TMEM132D: variants seen among roughly 807,000 people sequenced by gnomAD.
The protein encoded by TMEM132D is transmembrane protein 132D.
Under a neutral mutation model 62.3 loss-of-function variants are expected in TMEM132D, and 21 were observed. The ratio of observed to expected loss-of-function variants is 0.34; its 90% confidence interval spans 0.24 to 0.49. TMEM132D has a LOEUF of 0.49. Ranked by LOEUF, TMEM132D falls within the 20% of genes least tolerant of loss-of-function variation. TMEM132D has a pLI of 0.99. For synonymous variants in TMEM132D, 621 were observed against 575.6 expected (o/e 1.08, Z -1.13); for missense variants, 1,346 against 1,402.8 (o/e 0.96, Z 0.65).
At chr12:129,615,230 T>TG (rs549931648) in intron 2 of TMEM132D, among the ~76,000 whole-genome samples, 50 of 152,212 alleles carry the variant, frequency 3.3e-4, no homozygotes, top group African/African-American at 1.1e-3. Flanking sequence ...GGATTTTGTC[T>TG]GGGGATGAAT....
chr12:129,223,008 C>T (rs754007017), intron 4 of TMEM132D, among the ~76,000 whole-genome samples: 16 of 152,090 alleles, frequency 1.1e-4, no homozygotes, highest in African/African-American at 3.6e-4. Context: ...TCATATTATA[C>T]ACCTTAAACA....
chr12:129,566,019 G>A (rs182824181), intron 2 of TMEM132D, among the ~76,000 whole-genome samples: 14 of 152,286 alleles, frequency 9.2e-5, no homozygotes, highest in South Asian at 2.1e-4. Flanking sequence ...GCACTATACC[G>A]CACACTGAAT....
chr12:129,652,570 G>C (rs1484558498), intron 2 of TMEM132D, among the ~76,000 whole-genome samples: 1 of 152,186 alleles, frequency 6.6e-6, no homozygotes, highest in Non-Finnish European at 1.5e-5. Context: ...ATTTGAAGAT[G>C]CCACCCTGCT....
chr12:129,279,845 T>A (rs984346194), intron 4 of TMEM132D, among the ~76,000 whole-genome samples: 1 of 152,220 alleles, frequency 6.6e-6, no homozygotes, highest in African/African-American at 2.4e-5. Flanking sequence ...TGACATGACT[T>A]CATAAAGGAC....
intron 2 of TMEM132D, among the ~76,000 whole-genome samples, chr12:129,635,141 C>A (rs1879443665): frequency 6.6e-6 from 1 of 152,226 alleles, no homozygotes; most frequent in Non-Finnish European, 1.5e-5. Context: ...AACAGCCTCA[C>A]CTTCCCTCGC....
chr12:129,548,019 G>A (rs959200824), intron 2 of TMEM132D, among the ~76,000 whole-genome samples: 3 of 152,178 alleles, frequency 2.0e-5, no homozygotes, highest in Admixed American at 6.5e-5. Flanking sequence ...TAGGGAGCAT[G>A]GATCTGAGTA....
intron 1 of TMEM132D, among the ~76,000 whole-genome samples, chr12:129,710,481 G>A (rs1326367073): frequency 4.6e-5 from 7 of 151,996 alleles, no homozygotes; most frequent in African/African-American, 1.7e-4. Context: ...ATTTTTAGTA[G>A]AGACGGGGTT....
chr12:129,561,439 C>T (rs1265218387), intron 2 of TMEM132D, among the ~76,000 whole-genome samples: 2 of 152,202 alleles, frequency 1.3e-5, no homozygotes, highest in African/African-American at 4.8e-5. Context: ...CTCAGCTGTT[C>T]TTCATAGCAG....
intron 5 of TMEM132D, among the ~76,000 whole-genome samples, chr12:129,178,510 T>C (rs1171325679): frequency 6.6e-6 from 1 of 151,942 alleles, no homozygotes; most frequent in Non-Finnish European, 1.5e-5. Flanking sequence ...GTGGTTTTGA[T>C]TTCCATTTCT....
At chr12:129,788,802 A>G (rs1297068088) in intron 1 of TMEM132D, among the ~76,000 whole-genome samples, 1 of 152,190 alleles carries the variant, frequency 6.6e-6, no homozygotes, top group African/African-American at 2.4e-5. Flanking sequence ...GGCAATTGAC[A>G]TAAATGACAG....
chr12:129,077,485 T>G (rs1260209770), intron 8 of TMEM132D, among the ~76,000 whole-genome samples: 1 of 152,154 alleles, frequency 6.6e-6, no homozygotes, highest in Non-Finnish European at 1.5e-5. Flanking sequence ...ACTTACTACA[T>G]TCAAAGGTCC....
intron 1 of TMEM132D, among the ~76,000 whole-genome samples, chr12:129,777,218 G>A (rs909599894): frequency 6.6e-6 from 1 of 152,226 alleles, no homozygotes; most frequent in African/African-American, 2.4e-5. Context: ...AAGGTGAAAA[G>A]CGAGTCAGGC....
At chr12:129,407,096 A>C (rs1289777183) in intron 3 of TMEM132D, among the ~76,000 whole-genome samples, 1 of 152,240 alleles carries the variant, frequency 6.6e-6, no homozygotes, top group East Asian at 1.9e-4. Context: ...ATGAAAAGAA[A>C]TTTTTAAAGC....
chr12:129,493,131 TTC>T lies in TMEM132D; in HGVS notation c.1115+37926_1115+37927del, dbSNP rs369965074. Among the ~76,000 whole-genome samples the T allele has an allele frequency of 3.3e-5, 5 of 152,138 alleles. No individual in the cohort carries two copies. In the East Asian group the frequency reaches 7.7e-4, roughly 23 times the overall value. Reference sequence around the variant, plus strand: ...GTTTCCAGGTTCTTGAACCAATAAATTCTCTCTCTCTTTAACTTCATGTCTCT... The same window carrying T: ...GTTTCCAGGTTCTTGAACCAATAAATTCTCTCTCTTTAACTTCATGTCTCT... On this transcript the variant is annotated intron_variant, in intron 3 of 8. Coordinates refer to ENST00000422113, the MANE Select transcript of TMEM132D (RefSeq NM_133448.3).
chr12:129,304,108 C>T (rs539553553), intron 4 of TMEM132D, among the ~76,000 whole-genome samples: 29 of 152,310 alleles, frequency 1.9e-4, no homozygotes, highest in African/African-American at 6.0e-4. Context: ...AATGTCTTAC[C>T]GACTATCTGG....
chr12:129,676,725 G>A (rs1880640978), intron 2 of TMEM132D, among the ~76,000 whole-genome samples: 2 of 152,152 alleles, frequency 1.3e-5, no homozygotes, highest in South Asian at 4.1e-4. Flanking sequence ...CCAACATTGT[G>A]AGTCACATCT....
chr12:129,449,132 G>T (rs1469104967), intron 3 of TMEM132D, among the ~76,000 whole-genome samples: 5 of 152,198 alleles, frequency 3.3e-5, no homozygotes, highest in Non-Finnish European at 2.9e-5. Context: ...ATGGAGTATT[G>T]TTAAGAGGGA....
intron 1 of TMEM132D, among the ~76,000 whole-genome samples, chr12:129,789,993 C>T (rs192116070): frequency 1.3e-5 from 2 of 152,318 alleles, no homozygotes; most frequent in Admixed American, 1.3e-4. Flanking sequence ...TCTCCGACCC[C>T]TTTGCGGAAG....
chr12:129,759,262 C>A (rs1433305029), intron 1 of TMEM132D, among the ~76,000 whole-genome samples: 1 of 152,134 alleles, frequency 6.6e-6, no homozygotes, highest in Non-Finnish European at 1.5e-5. Context: ...AGCCACCAAG[C>A]TCTGTTACTA....
Sources: gnomAD v4.1 joint callset for allele counts (sites outside exome capture counted in the v4.1 genomes callset) on GRCh38, gnomAD v4.1.1 for gene constraint, MANE v1.5 for transcripts, NCBI Gene and HGNC (gene_info 2026-07-23, HGNC 2026-07-21) for gene names.